CSF2RA: variants seen among roughly 807,000 people sequenced by gnomAD.
CSF2RA encodes the protein colony stimulating factor 2 receptor subunit alpha.
Under a neutral mutation model 51.6 loss-of-function variants are expected in CSF2RA, and 42 were observed. The observed-to-expected ratio is 0.81, with a 90% CI of 0.64 to 1.05. The LOEUF is 1.05. Among genes scored for constraint, CSF2RA ranks in the 50% least tolerant of loss-of-function variants. The probability of loss-of-function intolerance (pLI) is 0.00; values close to 1 mark genes in which losing one functional copy is unlikely to be tolerated. For missense variants in CSF2RA, 530 were observed against 501.1 expected, an observed-to-expected ratio of 1.06 and a Z score of -0.55; for synonymous variants, 222 against 193.0, an observed-to-expected ratio of 1.15 and a Z score of -1.24.
the CSF2RA span, among the ~76,000 whole-genome samples, chrX:1,322,412 C>G: frequency 6.7e-6 from 1 of 149,044 alleles, no homozygotes; most frequent in Non-Finnish European, 1.5e-5. Context: ...ACACCTGGCC[C>G]ACTTACCATC....
downstream of CSF2RA, among the ~76,000 whole-genome samples, chrX:1,313,575 G>A (rs1603440074): frequency 6.6e-6 from 1 of 151,952 alleles, no homozygotes; most frequent in South Asian, 2.1e-4. Context: ...AGCCAGGTGT[G>A]GTGGCAGGCA....
At chrX:1,274,710 A>C (rs2088934265) in intron 1 of CSF2RA, 45 bp from the exon 2 acceptor site, 1 of 452,184 alleles carries the variant, frequency 2.2e-6, no homozygotes, top group African/African-American at 2.0e-5. Flanking sequence ...TTCCACTATA[A>C]CCTTTCATGA....
At chrX:1,291,820 G>A (rs2091430088) in intron 7 of CSF2RA, among the ~76,000 whole-genome samples, 1 of 149,514 alleles carries the variant, frequency 6.7e-6, no homozygotes, top group Non-Finnish European at 1.5e-5. Flanking sequence ...TGGATCCAGT[G>A]TAGACAGGAG....
At chrX:1,285,155 C>A (rs1303167250) in intron 3 of CSF2RA, among the ~76,000 whole-genome samples, 1 of 152,072 alleles carries the variant, frequency 6.6e-6, no homozygotes, top group Non-Finnish European at 1.5e-5. Context: ...TTTGCCTCAG[C>A]CTCCCAAGGT....
At chrX:1,313,082 A>G (rs1391796383), downstream of CSF2RA, among the ~76,000 whole-genome samples, 1 of 152,078 alleles carries the variant, frequency 6.6e-6, no homozygotes, top group Non-Finnish European at 1.5e-5. Flanking sequence ...TGTGGGTTTC[A>G]GAGACCTCAG....
intron 1 of CSF2RA, among the ~76,000 whole-genome samples, chrX:1,271,981 T>A (rs1233404077): frequency 6.8e-6 from 1 of 147,870 alleles, no homozygotes; most frequent in Non-Finnish European, 1.5e-5. Context: ...TGAGACGGAG[T>A]CTCGCTCTGT....
chrX:1,281,053 CCTTCTCCTCCTCCTT>C, intron 2 of CSF2RA, among the ~76,000 whole-genome samples: 1 of 9,398 alleles, frequency 1.1e-4, no homozygotes, highest in African/African-American at 3.5e-4. Flanking sequence ...CTCCTGCTCC[CCTTCTCCTCCTCCTT>C]CTCCTCCTCC....
downstream of CSF2RA, among the ~76,000 whole-genome samples, chrX:1,313,251 C>T (rs747123701): frequency 3.1e-4 from 47 of 150,834 alleles, no homozygotes; most frequent in African/African-American, 1.0e-3. Context: ...TGGTGAAACT[C>T]GTCTCTACTA....
At chrX:1,290,667 C>T (rs1356046893) in intron 7 of CSF2RA, among the ~76,000 whole-genome samples, 158 bp downstream of exon 7, 1 of 152,056 alleles carries the variant, frequency 6.6e-6, no homozygotes, top group African/African-American at 2.4e-5. Context: ...GTGTTCAAAA[C>T]CAGCCTGACC....
chrX:1,322,303 G>A, the CSF2RA span, among the ~76,000 whole-genome samples: 20 of 149,930 alleles, frequency 1.3e-4, no homozygotes, highest in Non-Finnish European at 2.5e-4. Flanking sequence ...TAGTAGAGAC[G>A]GACTTTCACC....
In CSF2RA at chrX:1,288,702, A is replaced by G. The variant is rs1360979757; in HGVS notation, c.344-57A>G. On this transcript the variant is annotated intron_variant, in intron 5 of 12. Transcript: ENST00000381529. ...CTGGCCCCACCACCCCGCCAGCATC[A>G]AAGTACATCCCGTTGAACTTCGGAG... The G allele has an allele frequency of 1.9e-5, 31 of 1,613,778 alleles. No homozygotes were observed. In the Admixed American group the frequency reaches 4.0e-4, roughly 21 times the overall value.
At chrX:1,324,586 AAGAG>A in the CSF2RA span, among the ~76,000 whole-genome samples, 12 of 151,492 alleles carry the variant, frequency 7.9e-5, no homozygotes, top group African/African-American at 4.8e-5. Context: ...GAAAGAAAGA[AAGAG>A]AAAGAGAGAA....
intron 4 of CSF2RA, chrX:1,287,147 C>G (rs1320494744): frequency 9.0e-6 from 1 of 110,816 alleles, no homozygotes; most frequent in Non-Finnish European, 1.8e-5. Context: ...AGATGACATA[C>G]TTTTTTTTTT....
intron 9 of CSF2RA, among the ~76,000 whole-genome samples, chrX:1,298,606 CCCTACTCACGACCCCTACACTCT>C (rs1181108785): frequency 1.9e-4 from 9 of 47,760 alleles, no homozygotes; most frequent in South Asian, 1.0e-3. Context: ...CCCTACAGTC[CCCTACTCACGACCCCTACACTCT>C]CCTACCCATG....
intron 1 of CSF2RA, among the ~76,000 whole-genome samples, chrX:1,271,483 G>T (rs1269044194): frequency 6.6e-6 from 1 of 151,644 alleles, no homozygotes; most frequent in Admixed American, 6.6e-5. Flanking sequence ...AGGATTACAG[G>T]CACGTGCCAC....
At chrX:1,288,955 T>G (rs2091077109) in intron 6 of CSF2RA, 67 bp downstream of exon 6, 2 of 1,601,776 alleles carry the variant, frequency 1.2e-6, no homozygotes, top group Admixed American at 1.7e-5. Flanking sequence ...CATGCTGGTT[T>G]TCTTTTTTTC....
At chrX:1,307,834 C>CTT (rs1169564295) in intron 12 of CSF2RA, among the ~76,000 whole-genome samples, 78,323 of 89,342 alleles carry the variant, frequency 0.88, 36,307 homozygotes, top group Non-Finnish European at 0.94. Context: ...ACCCTTCTCC[C>CTT]TTTAGACCTT....
intron 4 of CSF2RA, 119 bp downstream of exon 4, chrX:1,286,039 G>A: frequency 1.1e-5 from 12 of 1,089,942 alleles, no homozygotes; most frequent in South Asian, 2.5e-5. Context: ...TTGGGAGGCT[G>A]AGGTGGGCGG....
At chrX:1,289,211 C>T in intron 6 of CSF2RA, 1 of 383,914 alleles carries the variant, frequency 2.6e-6, no homozygotes, top group Non-Finnish European at 4.9e-6. Context: ...GCAACCTGCG[C>T]CTCCCTCCAG....
Sources: allele counts gnomAD v4.1 joint callset (sites outside exome capture counted in the v4.1 genomes callset), GRCh38; gene constraint gnomAD v4.1.1; transcripts MANE v1.5; gene names NCBI Gene and HGNC (gene_info 2026-07-23, HGNC 2026-07-21).